GAB2: variants seen among roughly 807,000 people sequenced by gnomAD.
GAB2 encodes the protein GRB2 associated binding protein 2.
GAB2 carries 26 observed loss-of-function variants against 65.5 expected under a neutral mutation model. The ratio of observed to expected loss-of-function variants is 0.40; its 90% CI spans 0.29 to 0.55. The LOEUF (loss-of-function observed/expected upper bound fraction) is 0.55, where lower values mean the gene tolerates loss of function less well. GAB2 is among the 20% of genes least tolerant of loss of function. GAB2 has a pLI of 0.53. For synonymous variants in GAB2, 321 were observed against 329.6 expected, an observed-to-expected ratio of 0.97 and a Z score of 0.28; for missense variants, 884 against 875.8, an observed-to-expected ratio of 1.01 and a Z score of -0.12.
At chr11:78,353,643 T>C (rs1856314758) in intron 1 of GAB2, among the ~76,000 whole-genome samples, 1 of 152,268 alleles carries the variant, frequency 6.6e-6, no homozygotes, top group Non-Finnish European at 1.5e-5. Flanking sequence ...TACTGAGCAC[T>C]TGTGGCTAGT....
chr11:78,403,193 G>C lies in GAB2; in HGVS notation c.75+14453C>G, dbSNP rs573869177. ...TGTTATAGCAGCCTGAATGGACTAA[G>C]ATACTAATCAAGGATAGCAAATCAC... On this transcript the variant is annotated intron_variant, in intron 1 of 9. Coordinates refer to ENST00000361507, the MANE Select transcript of GAB2 (RefSeq NM_080491.3). 5.3e-5 allele frequency among the ~76,000 whole-genome samples: 8 copies of C among 152,324 alleles called. No homozygotes were observed. In the East Asian group the frequency reaches 5.8e-4, roughly 11 times the overall value.
At chr11:78,292,127 C>CT (rs1866699537) in intron 1 of GAB2, among the ~76,000 whole-genome samples, 1 of 152,132 alleles carries the variant, frequency 6.6e-6, no homozygotes, top group South Asian at 2.1e-4. Context: ...ATATACCCGC[C>CT]TAACAGGTTT....
intron 1 of GAB2, among the ~76,000 whole-genome samples, chr11:78,292,589 T>C (rs1866711422): frequency 6.6e-6 from 1 of 152,210 alleles, no homozygotes; most frequent in African/African-American, 2.4e-5. Context: ...TATCCTAATA[T>C]ATTTCAACAC....
chr11:78,369,785 C>T (rs1185874833), intron 1 of GAB2, among the ~76,000 whole-genome samples: 2 of 152,170 alleles, frequency 1.3e-5, no homozygotes, highest in Non-Finnish European at 2.9e-5. Flanking sequence ...TACTCGGACA[C>T]TACTATAAAG....
intron 1 of GAB2, among the ~76,000 whole-genome samples, chr11:78,354,156 C>T (rs972789195): frequency 1.3e-5 from 2 of 152,182 alleles, no homozygotes; most frequent in African/African-American, 4.8e-5. Context: ...ATGATGGCTA[C>T]CCTCTAATAA....
At chr11:78,389,309 T>C (rs777939751) in intron 1 of GAB2, among the ~76,000 whole-genome samples, 1 of 138,970 alleles carries the variant, frequency 7.2e-6, no homozygotes, top group African/African-American at 2.6e-5. Flanking sequence ...CATGTGGTTT[T>C]CCTTTTTTTT....
chr11:78,220,686 T>C (rs1377122083), intron 8 of GAB2, among the ~76,000 whole-genome samples: 1 of 152,170 alleles, frequency 6.6e-6, no homozygotes, highest in Non-Finnish European at 1.5e-5. Flanking sequence ...TTCAGAGAAG[T>C]GACTTTGCCT....
At chr11:78,370,712 C>CCTGTGTGTATGTGTGTGTGTGTGTGTGT (rs58668713) in intron 1 of GAB2, among the ~76,000 whole-genome samples, 13 of 123,312 alleles carry the variant, frequency 1.1e-4, no homozygotes, top group Admixed American at 4.3e-4. Context: ...TGTGTGTGTG[C>CCTGTGTGTATGTGTGTGTGTGTGTGTGT]GTGTGTGTGT....
chr11:78,302,531 A>G (rs982362258), intron 1 of GAB2, among the ~76,000 whole-genome samples: 2 of 152,090 alleles, frequency 1.3e-5, no homozygotes, highest in Non-Finnish European at 2.9e-5. Context: ...AACAAAACAG[A>G]TGTTGGCATC....
In GAB2 at chr11:78,369,392, T is replaced by C. The variant is rs552372019; in HGVS notation, c.75+48254A>G. 1.2e-3 allele frequency among the ~76,000 whole-genome samples: 177 copies of C among 152,334 alleles called. 1 individual carries two copies. The highest frequency in any genetic ancestry group is 4.0e-3 in the African/African-American group (167 of 41,572). ...ACTGTAGCAAAGTTAAAATCTAAAA[T>C]GTAATGGAATAGCTCAAATATACCT... On this transcript the variant is annotated intron_variant, in intron 1 of 9. Transcript: ENST00000361507.
At chr11:78,372,750 A>ATCTCTTTTTTATCTTAATCTCTTAAT (rs1856587872) in intron 1 of GAB2, among the ~76,000 whole-genome samples, 1 of 152,192 alleles carries the variant, frequency 6.6e-6, no homozygotes, top group Non-Finnish European at 1.5e-5. Flanking sequence ...AAATCGTAAC[A>ATCTCTTTTTTATCTTAATCTCTTAAT]CACTTTTTAT....
intron 2 of GAB2, among the ~76,000 whole-genome samples, chr11:78,263,636 G>GAA (rs61518720): frequency 0.2 from 25,141 of 128,888 alleles, 2,547 homozygotes; most frequent in East Asian, 0.41. Context: ...CTGTCTGGGG[G>GAA]AAAAAAAAAA....
chr11:78,405,779 C>T (rs1020542158), intron 1 of GAB2, among the ~76,000 whole-genome samples: 4 of 152,124 alleles, frequency 2.6e-5, no homozygotes, highest in South Asian at 2.1e-4. Flanking sequence ...TTTCTTTATG[C>T]CTCATATATC....
chr11:78,411,198 G>A (rs1439542179), intron 1 of GAB2, among the ~76,000 whole-genome samples: 15 of 151,638 alleles, frequency 9.9e-5, no homozygotes, highest in Admixed American at 9.9e-4. Context: ...AATAAACGAA[G>A]GAAGAAAGAC....
At chr11:78,396,721 C>G (rs1359187011) in intron 1 of GAB2, among the ~76,000 whole-genome samples, 7 of 152,184 alleles carry the variant, frequency 4.6e-5, no homozygotes, top group African/African-American at 1.7e-4. Flanking sequence ...CCTCAGCCAC[C>G]CGAGCAGCTG....
intron 3 of GAB2, among the ~76,000 whole-genome samples, chr11:78,231,335 T>TGGTG (rs1554975140): frequency 1.1e-5 from 1 of 89,668 alleles, no homozygotes; most frequent in Non-Finnish European, 2.5e-5. Flanking sequence ...CGCGCGTGTG[T>TGGTG]GGTGTGTGTG....
intron 1 of GAB2, among the ~76,000 whole-genome samples, chr11:78,383,592 A>AAAAAAAAAAAAAAAAAAAAAAAAAAAC (rs1856726411): frequency 6.7e-6 from 1 of 149,896 alleles, no homozygotes; most frequent in Admixed American, 6.7e-5. Context: ...AAAAAAAAAA[A>AAAAAAAAAAAAAAAAAAAAAAAAAAAC]AAAAAAAATA....
chr11:78,386,296 A>G (rs1856765535), intron 1 of GAB2, among the ~76,000 whole-genome samples: 1 of 152,184 alleles, frequency 6.6e-6, no homozygotes, highest in African/African-American at 2.4e-5. Context: ...CCACTACCAC[A>G]ATGTCTTCTG....
At chr11:78,383,221 G>A (rs192375584) in intron 1 of GAB2, among the ~76,000 whole-genome samples, 97 of 152,232 alleles carry the variant, frequency 6.4e-4, no homozygotes, top group Non-Finnish European at 1.0e-3. Flanking sequence ...GCAGTGAGCT[G>A]AGACCATGCC....
Sources: gnomAD v4.1 joint callset for allele counts (sites outside exome capture counted in the v4.1 genomes callset) on GRCh38, gnomAD v4.1.1 for gene constraint, MANE v1.5 for transcripts, NCBI Gene and HGNC (gene_info 2026-07-23, HGNC 2026-07-21) for gene names.